Variants in PLCG2 observed in about 807,000 individuals in gnomAD.
PLCG2 encodes 1-phosphatidylinositol 4,5-bisphosphate phosphodiesterase gamma-2.
PLCG2 carries 69 observed loss-of-function variants against 175.6 expected under a neutral mutation model. That is an observed-to-expected ratio of 0.39 (90% CI 0.32 to 0.48). The LOEUF is 0.48. PLCG2 is among the 20% of genes least tolerant of loss of function. The pLI, the probability that PLCG2 is intolerant of heterozygous loss-of-function variation, is 0.91. For missense variants in PLCG2, 1,798 were observed against 1,650.9 expected (o/e 1.09, Z -1.54); for synonymous variants, 827 against 624.0 (o/e 1.33, Z -4.85).
intron 25 of PLCG2, 58 bp downstream of exon 25, chr16:81,931,712 C>T (rs946198508): frequency 6.6e-7 from 1 of 1,517,284 alleles, no homozygotes. Flanking sequence ...CTTTGGTGCT[C>T]AGTTGGGACT....
chr16:81,799,709 C>G (rs762847563), intron 2 of PLCG2, among the ~76,000 whole-genome samples: 13 of 151,824 alleles, frequency 8.6e-5, no homozygotes, highest in Non-Finnish European at 1.6e-4. Flanking sequence ...TCTCCTGCCT[C>G]AACCTCCCGA....
chr16:81,937,680 C>A, intron 27 of PLCG2, 78 bp from the exon 28 acceptor site: 1 of 1,268,216 alleles, frequency 7.9e-7, no homozygotes, highest in Non-Finnish European at 1.1e-6. Flanking sequence ...GAAATTCATT[C>A]CCCACCTAGA....
intron 1 of PLCG2, among the ~76,000 whole-genome samples, chr16:81,741,443 T>A (rs753756833): frequency 6.6e-6 from 1 of 152,196 alleles, no homozygotes; most frequent in African/African-American, 2.4e-5. Context: ...TCAAAAATTT[T>A]TGCCCTTTGG....
intron 24 of PLCG2, among the ~76,000 whole-genome samples, chr16:81,930,421 A>C (rs938735396): frequency 6.6e-6 from 1 of 152,160 alleles, no homozygotes; most frequent in African/African-American, 2.4e-5. Flanking sequence ...ATTTGCCTGC[A>C]CATGGCTTTC....
chr16:81,910,706 C>G lies in PLCG2; in HGVS notation c.1920C>G (p.Pro640=), dbSNP rs555537579. 1.2e-6 allele frequency: 2 copies of G among 1,609,594 alleles called. No homozygotes were observed. The highest frequency in any genetic ancestry group is 1.3e-5 in the African/African-American group (1 of 75,064). The change falls in exon 18 of 33, where the codon CCC becomes CCG. Residue 640 remains proline, a synonymous_variant. Transcript: ENST00000564138. The part of the protein sequence containing the change: ...RLTDPVPNPN[P]HESKPWYYDS... ...CGGACCCTGTGCCCAACCCCAACCCCCACGAGTCCAAGCCGTACGTGTCTG... is the reference window on the plus strand; with the variant it reads ...CGGACCCTGTGCCCAACCCCAACCCGCACGAGTCCAAGCCGTACGTGTCTG...
intron 7 of PLCG2, among the ~76,000 whole-genome samples, chr16:81,874,948 G>GTTTTTTTTTT (rs770994063): frequency 1.5e-4 from 6 of 40,770 alleles, no homozygotes; most frequent in Non-Finnish European, 2.5e-4. Context: ...TATCCTATGT[G>GTTTTTTTTTT]TTTTTTTTTT....
At chr16:81,871,339 C>CGTTT (rs1907504801) in intron 7 of PLCG2, among the ~76,000 whole-genome samples, 1 of 152,008 alleles carries the variant, frequency 6.6e-6, no homozygotes, top group South Asian at 2.1e-4. Flanking sequence ...TCTTTTTACA[C>CGTTT]GTTTGTTTGT....
At chr16:81,930,573 A>G (rs1910457687) in intron 24 of PLCG2, among the ~76,000 whole-genome samples, 1 of 151,850 alleles carries the variant, frequency 6.6e-6, no homozygotes, top group Non-Finnish European at 1.5e-5. Context: ...ACATGGCGAA[A>G]CCCCTCTCTA....
intron 2 of PLCG2, among the ~76,000 whole-genome samples, chr16:81,787,419 T>C (rs1911024494): frequency 7.2e-6 from 1 of 138,710 alleles, no homozygotes; most frequent in South Asian, 2.2e-4. Flanking sequence ...TTTGTAGAGA[T>C]GGGATCTCAC....
At chr16:81,775,482 TAGTC>T (rs1201520351), upstream of PLCG2, among the ~76,000 whole-genome samples, 5 of 152,166 alleles carry the variant, frequency 3.3e-5, no homozygotes, top group African/African-American at 7.2e-5. Flanking sequence ...ATTCCTAAAA[TAGTC>T]AGCCTTGGTT....
Position 81,750,786 on chromosome 16 carries a change from G to A in PLCG2, c.-144-5084G>A, listed in dbSNP as rs535131996. 3.4e-5 allele frequency among the ~76,000 whole-genome samples: 5 copies of A among 145,444 alleles called. No homozygotes were observed. In the South Asian group the frequency reaches 1.1e-3, roughly 32 times the overall value. On this transcript the variant is annotated intron_variant, in intron 1 of 5. Transcript: ENST00000565054. ...GGGTTCATGCCATTCTCCTGCCTCA[G>A]CCTCCCGAGTACTTGGGACTACAGG...
intron 32 of PLCG2, among the ~76,000 whole-genome samples, chr16:81,957,547 C>T (rs1321264634): frequency 1.3e-5 from 2 of 152,130 alleles, no homozygotes; most frequent in Non-Finnish European, 2.9e-5. Context: ...GATCCCCCAA[C>T]AGGGATGCTT....
intron 5 of PLCG2, among the ~76,000 whole-genome samples, chr16:81,865,855 C>T (rs570215805): frequency 2.4e-4 from 33 of 140,382 alleles, no homozygotes; most frequent in African/African-American, 8.4e-4. Flanking sequence ...AGGGTGAGCT[C>T]CAACTGGGGC....
chr16:81,778,111 C>T (rs948865890), upstream of PLCG2, among the ~76,000 whole-genome samples: 2 of 149,992 alleles, frequency 1.3e-5, no homozygotes, highest in Non-Finnish European at 2.9e-5. Context: ...ACCAGTGGCA[C>T]ATGCCTGTGA....
At chr16:81,826,362 G>A (rs1039682908) in intron 2 of PLCG2, among the ~76,000 whole-genome samples, 1 of 152,186 alleles carries the variant, frequency 6.6e-6, no homozygotes, top group Admixed American at 6.5e-5. Flanking sequence ...CCTAGGTGCA[G>A]TAGGAGGTCA....
chr16:81,939,299 A>T (rs1910843622), intron 29 of PLCG2, among the ~76,000 whole-genome samples: 1 of 152,050 alleles, frequency 6.6e-6, no homozygotes, highest in African/African-American at 2.4e-5. Flanking sequence ...AACCTGGGAG[A>T]TCTTAGCCCC....
At chr16:81,792,536 A>C (rs1911287182) in intron 2 of PLCG2, among the ~76,000 whole-genome samples, 1 of 151,714 alleles carries the variant, frequency 6.6e-6, no homozygotes, top group Non-Finnish European at 1.5e-5. Flanking sequence ...AAAACAAGCA[A>C]ACAAAACCCA....
At chr16:81,813,462 G>A (rs893599132) in intron 2 of PLCG2, among the ~76,000 whole-genome samples, 1 of 152,136 alleles carries the variant, frequency 6.6e-6, no homozygotes, top group African/African-American at 2.4e-5. Flanking sequence ...TCATGATTTA[G>A]CTCTGTGTTT....
chr16:81,898,911 A>C (rs761682308), intron 13 of PLCG2, among the ~76,000 whole-genome samples: 3 of 152,220 alleles, frequency 2.0e-5, no homozygotes, highest in Non-Finnish European at 4.4e-5. Flanking sequence ...TAGGCTGGGC[A>C]CAGTGGCTCA....
Sources: allele counts gnomAD v4.1 joint callset (sites outside exome capture counted in the v4.1 genomes callset), GRCh38; gene constraint gnomAD v4.1.1; transcripts MANE v1.5; gene names NCBI Gene and HGNC (gene_info 2026-07-23, HGNC 2026-07-21).